Variants in RNFT2 observed in about 807,000 individuals in gnomAD.
The protein encoded by RNFT2 is ring finger protein, transmembrane 2, also known as E3 ubiquitin-protein ligase RNFT2.
A neutral mutation model predicts 53.0 loss-of-function variants in RNFT2; 36 were observed. That is an observed-to-expected ratio of 0.68 (90% confidence interval 0.52 to 0.90). The LOEUF (loss-of-function observed/expected upper bound fraction) is 0.90, where lower values mean the gene tolerates loss of function less well. RNFT2 is among the 40% of genes least tolerant of loss of function. The pLI is 0.00. For missense variants in RNFT2, 514 were observed against 585.6 expected, an observed-to-expected ratio of 0.88 and a Z score of 1.26; for synonymous variants, 260 against 253.2, an observed-to-expected ratio of 1.03 and a Z score of -0.26.
At chr12:116,803,502 G>A (rs1001242025) in intron 7 of RNFT2, among the ~76,000 whole-genome samples, 5 of 152,138 alleles carry the variant, frequency 3.3e-5, no homozygotes, top group African/African-American at 1.2e-4. Flanking sequence ...AAGCCACTCC[G>A]CTGACCCCAC....
chr12:116,818,427 T>G (rs1406338309), intron 7 of RNFT2, among the ~76,000 whole-genome samples: 4 of 152,156 alleles, frequency 2.6e-5, no homozygotes, highest in African/African-American at 9.7e-5. Context: ...GGTTCAGCAC[T>G]GCCGTTCAGT....
chr12:116,794,648 A>G (rs369551429), intron 7 of RNFT2, among the ~76,000 whole-genome samples: 191 of 36,672 alleles, frequency 5.2e-3, no homozygotes, highest in South Asian at 0.011. Flanking sequence ...GGGAGGGGAG[A>G]AGGAAGGAAG....
chr12:116,836,009 T>G lies in RNFT2; in HGVS notation c.1082T>G (p.Leu361Arg). The G allele has an allele frequency of 6.2e-7, 1 of 1,614,036 alleles. No individual in the cohort carries two copies. The highest frequency in any genetic ancestry group is 1.1e-5 in the South Asian group (1 of 91,086). ...GGCGGAGTTAGGAAAGCCCTGAAGC[T>G]TCTCTGTACCTCTCAGGTGAGTTGG... Reference protein sequence around the residue: ...RVGGVRKALKLLCTSQNYGVR... With the variant: ...RVGGVRKALKRLCTSQNYGVR... The change falls in exon 9 of 11, where the codon CTT becomes CGT. Residue 361 changes from leucine to arginine, a missense_variant. This residue lies in a region of RNFT2 where 273 missense variants were observed against 334.4 expected (regional missense o/e 0.82). Coordinates refer to ENST00000257575, the MANE Select transcript of RNFT2 (RefSeq NM_001382266.1).
chr12:116,827,931 T>C (rs764519279), intron 7 of RNFT2, among the ~76,000 whole-genome samples: 24 of 152,200 alleles, frequency 1.6e-4, no homozygotes, highest in Non-Finnish European at 3.1e-4. Context: ...TTCCTGGGGC[T>C]GTGCTCTTGA....
At chr12:116,753,942 T>A (rs2137079781) in intron 4 of RNFT2, 42 bp from the exon 5 acceptor site, 1 of 1,537,792 alleles carries the variant, frequency 6.5e-7, no homozygotes, top group Middle Eastern at 1.7e-4. Context: ...CTAGGCCTGA[T>A]GAGTCTAAGT....
chr12:116,853,348 A>T lies in RNFT2; in HGVS notation c.*3900A>T, dbSNP rs58593739. On this transcript the variant is annotated 3_prime_UTR_variant, in exon 11 of 11. Transcript: ENST00000257575. ...AGTTCCACGAAGTCCTTAGAAATGG[A>T]CCTCTTCATGTAAAATATCTTGAGA... The T allele has an allele frequency of 0.022, 8,584 of 396,234 alleles. 274 individuals carry two copies. The highest frequency in any genetic ancestry group is 0.1 in the African/African-American group (4,898 of 48,592). 24.5% of individuals were successfully genotyped at this position (396,234 alleles called of 1,614,324 possible). A position where few individuals can be genotyped will look rare whatever the true frequency, so the allele number is the denominator to read the frequency against.
At chr12:116,756,958 AC>A (rs1872533973) in intron 5 of RNFT2, among the ~76,000 whole-genome samples, 1 of 151,972 alleles carries the variant, frequency 6.6e-6, no homozygotes, top group Non-Finnish European at 1.5e-5. Context: ...CTGGTCCTGA[AC>A]TTTTTTTTGT....
intron 4 of RNFT2, among the ~76,000 whole-genome samples, chr12:116,750,847 A>G (rs7965017): frequency 0.023 from 47 of 2,026 alleles, 1 homozygote; most frequent in African/African-American, 0.079. Flanking sequence ...TATTATATAT[A>G]TATAATATAT....
At chr12:116,841,554 C>A (rs1241765956) in intron 10 of RNFT2, among the ~76,000 whole-genome samples, 2 of 150,616 alleles carry the variant, frequency 1.3e-5, no homozygotes, top group African/African-American at 4.9e-5. Context: ...TCGAGACCAG[C>A]CTGGCCAACA....
chr12:116,782,645 G>A (rs1187300076), intron 7 of RNFT2, among the ~76,000 whole-genome samples: 1 of 152,108 alleles, frequency 6.6e-6, no homozygotes, highest in Non-Finnish European at 1.5e-5. Context: ...TCCCTCCCAG[G>A]TTACCATGGG....
In RNFT2 at chr12:116,740,331, T is replaced by A; in HGVS notation, c.-153-14T>A. ...TCGCAGGGACTGTTCATCCAGGTGTTCTGTTCCATCCAGGTTTGGAGTCTC... is the reference window on the plus strand; with the variant it reads ...TCGCAGGGACTGTTCATCCAGGTGTACTGTTCCATCCAGGTTTGGAGTCTC... On this transcript the variant is annotated splice_polypyrimidine_tract_variant and intron_variant, in intron 1 of 10. Transcript: ENST00000257575. 1.6e-6 allele frequency: 1 copy of A among 636,626 alleles called. No individual in the cohort carries two copies. Among genetic ancestry groups the A allele is most frequent in the Admixed American group, 2.4e-5 (1 of 41,318 alleles). The allele number at this position is 636,626 out of a possible 1,614,324, so 39.4% of individuals were successfully genotyped here. A position where few individuals can be genotyped will look rare whatever the true frequency, so the allele number is the denominator to read the frequency against.
chr12:116,793,356 T>C, intron 7 of RNFT2, among the ~76,000 whole-genome samples: 1 of 151,880 alleles, frequency 6.6e-6, no homozygotes, highest in Non-Finnish European at 1.5e-5. Context: ...CCAGCTAATT[T>C]TTAAAATTTT....
At chr12:116,756,231 A>G (rs527860319) in intron 5 of RNFT2, among the ~76,000 whole-genome samples, 49 of 152,234 alleles carry the variant, frequency 3.2e-4, no homozygotes, top group African/African-American at 1.2e-3. Flanking sequence ...CGTGTCATCT[A>G]TGATTTCTTT....
Position 116,758,147 on chromosome 12 carries a change from T to G in RNFT2, c.627+4087T>G, listed in dbSNP as rs1331316548. Among the ~76,000 whole-genome samples the G allele has an allele frequency of 2.6e-5, 4 of 152,260 alleles. No individual in the cohort carries two copies. In the East Asian group the frequency reaches 5.8e-4, roughly 22 times the overall value. On this transcript the variant is annotated intron_variant, in intron 5 of 10. Coordinates refer to ENST00000257575, the MANE Select transcript of RNFT2 (RefSeq NM_001382266.1). ...TGTCTGATATAAGAATAGCTACCCC[T>G]GCTTGCTTTTGGTGTCCATTTGCAT...
intron 10 of RNFT2, among the ~76,000 whole-genome samples, chr12:116,842,251 C>T (rs2893692): frequency 0.094 from 14,286 of 151,896 alleles, 1,510 homozygotes; most frequent in African/African-American, 0.26. Context: ...AGAAGGGACA[C>T]CCCATCACCT....
chr12:116,790,601 G>A (rs1213339255), intron 7 of RNFT2, among the ~76,000 whole-genome samples: 5 of 152,230 alleles, frequency 3.3e-5, no homozygotes, highest in Non-Finnish European at 5.9e-5. Flanking sequence ...TCAGCCTCAT[G>A]AGGGAAATGC....
intron 6 of RNFT2, among the ~76,000 whole-genome samples, chr12:116,768,640 A>G (rs771825822): frequency 1.3e-5 from 2 of 152,214 alleles, no homozygotes; most frequent in Admixed American, 6.5e-5. Context: ...AATTATGTAC[A>G]GTACCTAATG....
At chr12:116,806,215 C>A (rs1467887013) in intron 7 of RNFT2, among the ~76,000 whole-genome samples, 1 of 151,698 alleles carries the variant, frequency 6.6e-6, no homozygotes, top group Non-Finnish European at 1.5e-5. Context: ...ACCAAAAATA[C>A]AAAAATTAGC....
At chr12:116,836,411 A>T in intron 10 of RNFT2, 129 bp downstream of exon 10, 3 of 742,516 alleles carry the variant, frequency 4.0e-6, no homozygotes, top group Non-Finnish European at 6.7e-6. Context: ...GGAGTCAGCC[A>T]GACCTGGGTT....
Sources: gnomAD v4.1 joint callset for allele counts (sites outside exome capture counted in the v4.1 genomes callset) on GRCh38, gnomAD v4.1.1 for gene constraint, gnomAD v4.1.1 regional missense constraint, MANE v1.5 for transcripts, NCBI Gene and HGNC (gene_info 2026-07-23, HGNC 2026-07-21) for gene names.